The following BRD4 variants were observed in gnomAD, a reference collection of about 807,000 sequenced individuals.
BRD4 encodes the protein bromodomain-containing protein 4.
Under a neutral mutation model 142.1 loss-of-function variants are expected in BRD4, and 16 were observed. That is an observed-to-expected ratio of 0.11 (90% CI 0.08 to 0.17). BRD4 has a LOEUF of 0.17. Ranked by LOEUF, BRD4 falls within the 10% of genes least tolerant of loss-of-function variation. The pLI, the probability that BRD4 is intolerant of heterozygous loss-of-function variation, is 1.00. For missense variants in BRD4, 1,424 were observed against 1,810.9 expected, an observed-to-expected ratio of 0.79 and a Z score of 3.88; for synonymous variants, 833 against 707.5, an observed-to-expected ratio of 1.18 and a Z score of -2.82.
intron 1 of BRD4, among the ~76,000 whole-genome samples, chr19:15,306,178 C>T (rs1440674136): frequency 6.6e-6 from 1 of 152,232 alleles, no homozygotes; most frequent in East Asian, 1.9e-4. Flanking sequence ...ACTGGAGTCA[C>T]ACTTTTAATT....
rs768857293 is a variant in BRD4, at chr19:15,265,342, C to T, written c.849+12G>A. 6.7e-7 allele frequency: 1 copy of T among 1,495,510 alleles called. No individual in the cohort carries two copies. The highest frequency in any genetic ancestry group is 8.9e-7 in the Non-Finnish European group (1 of 1,124,776). The allele number at this position is 1,495,510 out of a possible 1,614,324, so 92.6% of individuals were successfully genotyped here. A position where few individuals can be genotyped will look rare whatever the true frequency, so the allele number is the denominator to read the frequency against. ...CCTGGTGAAGCAGCCCTCCAGAGTC[C>T]AGGAGACTCACCTTCACAGGCTGTG... On this transcript the variant is annotated intron_variant, in intron 5 of 19. Coordinates refer to ENST00000679869, the MANE Select transcript of BRD4 (RefSeq NM_001379291.1).
rs2047250236 is a variant in BRD4, at chr19:15,242,962, G to A, written c.3107C>T (p.Pro1036Leu). 6.2e-7 allele frequency: 1 copy of A among 1,602,306 alleles called. No individual in the cohort carries two copies. The highest frequency in any genetic ancestry group is 1.4e-5 in the African/African-American group (1 of 73,370). ...ATGGTGGTGCTGGATGACTTGCTGAGGCTTGGCAGGCTGCGGCGGGGGTGG... is the reference window on the plus strand; with the variant it reads ...ATGGTGGTGCTGGATGACTTGCTGAAGCTTGGCAGGCTGCGGCGGGGGTGG... ...QQPPPPQPAK[P>L]QQVIQHHHSP... The change falls in exon 14 of 20, where the codon CCT becomes CTT. Residue 1036 changes from proline (P) to leucine (L), a missense_variant. This residue lies in a region of BRD4 where 598 missense variants were observed against 647.8 expected (regional missense o/e 0.92). Coordinates refer to ENST00000679869, the MANE Select transcript of BRD4 (RefSeq NM_001379291.1).
chr19:15,254,025 A>T, intron 11 of BRD4, 127 bp downstream of exon 11: 1 of 803,926 alleles, frequency 1.2e-6, no homozygotes, highest in Non-Finnish European at 2.0e-6. Context: ...AGACAGACAG[A>T]CAGAGGAACC....
intron 1 of BRD4, among the ~76,000 whole-genome samples, chr19:15,278,190 C>G (rs2047670159): frequency 7.0e-6 from 1 of 143,286 alleles, no homozygotes; most frequent in African/African-American, 2.6e-5. Flanking sequence ...CAACCTGGTT[C>G]TAAGGTTTGA....
In BRD4 at chr19:15,238,289, C is replaced by G; in HGVS notation, c.*88G>C. 2 of 1,582,936 alleles carry G rather than the reference C, an allele frequency of 1.3e-6. No individual in the cohort carries two copies. Among genetic ancestry groups the G allele is most frequent in the South Asian group, 2.3e-5 (2 of 85,504 alleles). On this transcript the variant is annotated 3_prime_UTR_variant, in exon 20 of 20. Coordinates refer to ENST00000679869, the MANE Select transcript of BRD4 (RefSeq NM_001379291.1). This position sits in a 1 kb window ranked among gnomAD's most constrained non-coding sequence, Gnocchi z 7.2. ...GCCAGGCCCTGAGGCATCCCCTGGC[C>G]GCTGATCCCACCTCCACCACCGCCC...
chr19:15,258,370 C>T (rs1248065547), intron 7 of BRD4, among the ~76,000 whole-genome samples: 1 of 152,206 alleles, frequency 6.6e-6, no homozygotes. Context: ...GGCTGGAGTG[C>T]AGTGGCGCAA....
At chr19:15,280,266 A>C in intron 1 of BRD4, 1 of 1,007,452 alleles carries the variant, frequency 9.9e-7, no homozygotes, top group Non-Finnish European at 1.2e-6. Context: ...CCACTCACCA[A>C]GCACAGTGGC....
At chr19:15,290,895 G>C (rs17707831) in intron 1 of BRD4, among the ~76,000 whole-genome samples, 3,774 of 152,218 alleles carry the variant, frequency 0.025, 116 homozygotes, top group African/African-American at 0.07. Context: ...GGAAACATTT[G>C]AGAGGTTTTA....
chr19:15,272,736 C>A (rs544451055), intron 2 of BRD4, 79 bp downstream of exon 2: 5 of 1,404,012 alleles, frequency 3.6e-6, no homozygotes, highest in Admixed American at 2.2e-5. Flanking sequence ...TACCCTCCCC[C>A]CAGGAACTGC....
At chr19:15,241,898 C>T (rs1385326213) in intron 14 of BRD4, among the ~76,000 whole-genome samples, 4 of 151,456 alleles carry the variant, frequency 2.6e-5, no homozygotes, top group Admixed American at 6.6e-5. Flanking sequence ...CTGCAACCTC[C>T]GCCTCCCAGA....
chr19:15,308,888 G>C (rs907271448), intron 1 of BRD4, among the ~76,000 whole-genome samples: 32 of 151,574 alleles, frequency 2.1e-4, no homozygotes, highest in African/African-American at 7.7e-4. Context: ...GGTGGCACAC[G>C]ACTGTAGCCC....
At chr19:15,306,864 T>C (rs1418941661) in intron 1 of BRD4, among the ~76,000 whole-genome samples, 1 of 152,064 alleles carries the variant, frequency 6.6e-6, no homozygotes, top group Admixed American at 6.6e-5. Flanking sequence ...GATATAATAG[T>C]CTGAAACGTT....
intron 7 of BRD4, among the ~76,000 whole-genome samples, 190 bp downstream of exon 7, chr19:15,263,230 C>G (rs2047493390): frequency 6.6e-6 from 1 of 152,222 alleles, no homozygotes; most frequent in Non-Finnish European, 1.5e-5. Context: ...AACACCCACT[C>G]TGCTTTAATT....
intron 1 of BRD4, among the ~76,000 whole-genome samples, chr19:15,276,277 G>C (rs2047645369): frequency 6.6e-6 from 1 of 152,228 alleles, no homozygotes; most frequent in Non-Finnish European, 1.5e-5. Context: ...ACAGTGAGAA[G>C]TCCTATGTGA....
Position 15,239,498 on chromosome 19 carries a change from A to G in BRD4, c.3470T>C (p.Val1157Ala), listed in dbSNP as rs531631922. 6.8e-6 allele frequency: 11 copies of G among 1,613,684 alleles called. No individual in the cohort carries two copies. The East Asian group carries it at 2.5e-4, about 36-fold the overall frequency. The part of the protein sequence containing the change: ...PQRPEMKPVD[V>A]GRPVIRPPEQ... ...TGGGGGCCGGATCACAGGCCTCCCGACATCCACAGGCTTCATTTCCGGCCC... is the reference window on the plus strand; with the variant it reads ...TGGGGGCCGGATCACAGGCCTCCCGGCATCCACAGGCTTCATTTCCGGCCC... The change falls in exon 17 of 20, where the codon GTC (valine) becomes GCC (alanine). Residue 1157 changes from valine to alanine, a missense_variant. Physicochemically the swap from Val to Ala is moderately conservative, Grantham distance 64 (BLOSUM62 0). Transcript: ENST00000679869. This position sits in a 1 kb window ranked among gnomAD's most constrained non-coding sequence, Gnocchi z 7.4.
intron 1 of BRD4, among the ~76,000 whole-genome samples, chr19:15,300,325 G>A (rs1387943716): frequency 2.0e-5 from 3 of 152,048 alleles, no homozygotes; most frequent in African/African-American, 7.2e-5. Flanking sequence ...ACTTTAGCAG[G>A]CCAATCACTT....
rs201318919 is a variant in BRD4, at chr19:15,243,002, G to A, written c.3067C>T (p.Pro1023Ser). 220 of 1,553,082 alleles carry A rather than the reference G, an allele frequency of 1.4e-4. No individual in the cohort carries two copies. In the African/African-American group the frequency reaches 1.7e-3, roughly 12 times the overall value. The change falls in exon 14 of 20, where the codon CCC (proline) becomes TCC (serine). Residue 1023 changes from proline (P) to serine (S), a missense_variant. Physicochemically the swap from Pro to Ser is moderately conservative, Grantham distance 74 (BLOSUM62 -1). Around this residue, in one of 16 missense-constraint regions of BRD4, gnomAD observed 598 missense variants for 647.8 expected, o/e 0.92. Coordinates refer to ENST00000679869, the MANE Select transcript of BRD4 (RefSeq NM_001379291.1). The part of the protein sequence containing the change: ...PPQGQQPPHP[P>S]PGQQPPPPQP... ...GGCGGGGGTGGCTGCTGGCCTGGGGGCGGATGGGGGGGCTGCTGGCCCTGG... is the reference window on the plus strand; with the variant it reads ...GGCGGGGGTGGCTGCTGGCCTGGGGACGGATGGGGGGGCTGCTGGCCCTGG...
intron 1 of BRD4, among the ~76,000 whole-genome samples, chr19:15,308,260 C>T (rs539192124): frequency 3.3e-4 from 49 of 148,904 alleles, no homozygotes; most frequent in African/African-American, 1.2e-3. Context: ...CACTGTACTC[C>T]AGCCTGGGCA....
chr19:15,251,087 GC>G (rs1204810733), intron 11 of BRD4, among the ~76,000 whole-genome samples: 2 of 152,202 alleles, frequency 1.3e-5, no homozygotes, highest in Non-Finnish European at 1.5e-5. Flanking sequence ...TGCACTGCAT[GC>G]TGCTGGGGCA....
Sources: allele counts gnomAD v4.1 joint callset (sites outside exome capture counted in the v4.1 genomes callset), GRCh38; gene constraint gnomAD v4.1.1; regional missense constraint gnomAD v4.1.1; non-coding constraint Gnocchi (gnomAD v3.1); transcripts MANE v1.5; gene names NCBI Gene and HGNC (gene_info 2026-07-23, HGNC 2026-07-21).